CCDC88C: variants seen among roughly 807,000 people sequenced by gnomAD.
CCDC88C encodes the protein coiled-coil and HOOK domain protein 88C.
CCDC88C carries 131 observed loss-of-function variants against 198.8 expected under a neutral mutation model. That is an observed-to-expected ratio of 0.66 (90% CI 0.57 to 0.76). The LOEUF is 0.76. Among genes scored for constraint, CCDC88C ranks in the 30% least tolerant of loss-of-function variants. CCDC88C has a pLI of 0.00. For missense variants in CCDC88C, 2,553 were observed against 2,631.6 expected (o/e 0.97, Z 0.65); for synonymous variants, 1,166 against 1,114.7 (o/e 1.05, Z -0.92).
In CCDC88C at chr14:91,314,088, C is replaced by T. The variant is rs764283204; in HGVS notation, c.1728G>A (p.Arg576=). Reference sequence around the variant, plus strand: ...TGCGGGCCTCACTGCTGACCTGCGACCTCTCCCGCAGCGACCACATGGCTC... The same window carrying T: ...TGCGGGCCTCACTGCTGACCTGCGATCTCTCCCGCAGCGACCACATGGCTC... ...LNRAMWSLRE[R]SQVSSEARMK... is the part of the protein sequence containing the mutation. The change falls in exon 15 of 30, where the codon AGG becomes AGA. Residue 576 remains arginine (R), a synonymous_variant. Coordinates refer to ENST00000389857, the MANE Select transcript of CCDC88C (RefSeq NM_001080414.4). 1.2e-6 allele frequency: 2 copies of T among 1,613,800 alleles called. No individual in the cohort carries two copies. Among genetic ancestry groups the T allele is most frequent in the East Asian group, 2.2e-5 (1 of 44,874 alleles).
intron 10 of CCDC88C, among the ~76,000 whole-genome samples, chr14:91,335,652 T>TGGGTCC (rs1443790785): frequency 2.0e-5 from 3 of 152,188 alleles, no homozygotes; most frequent in Admixed American, 2.0e-4. Context: ...CTAAGCCCTG[T>TGGGTCC]GGGTCCAGCT....
chr14:91,375,506 C>T (rs900628459), intron 3 of CCDC88C, among the ~76,000 whole-genome samples: 17 of 152,110 alleles, frequency 1.1e-4, no homozygotes, highest in African/African-American at 2.2e-4. Context: ...GGGTGGGCAG[C>T]GGAATCAAAG....
chr14:91,307,961 CAGA>C (rs1467267751), intron 17 of CCDC88C, among the ~76,000 whole-genome samples: 2 of 152,246 alleles, frequency 1.3e-5, no homozygotes, highest in African/African-American at 4.8e-5. Context: ...TGCATGCACC[CAGA>C]AGTAGACATG....
intron 4 of CCDC88C, among the ~76,000 whole-genome samples, chr14:91,346,447 A>G (rs1893548435): frequency 6.6e-6 from 1 of 152,016 alleles, no homozygotes; most frequent in Non-Finnish European, 1.5e-5. Context: ...AAATTCATCA[A>G]TATTTGAAAT....
rs779374097 is a variant in CCDC88C, at chr14:91,297,497, G to A, written c.3780-6C>T. ...GGTGGTGCAGGAAATTGACCCTGGA[G>A]GAGGAAGAGTCACAGGGCAAAGGAG... On this transcript the variant is annotated splice_polypyrimidine_tract_variant and splice_region_variant and intron_variant, in intron 21 of 29. Transcript: ENST00000389857. The A allele has an allele frequency of 6.4e-7, 1 of 1,552,856 alleles. No individual in the cohort carries two copies. The highest frequency in any genetic ancestry group is 1.2e-5 in the South Asian group (1 of 84,134).
intron 13 of CCDC88C, among the ~76,000 whole-genome samples, chr14:91,319,891 G>C (rs1215381597): frequency 1.3e-5 from 2 of 152,040 alleles, no homozygotes; most frequent in East Asian, 1.9e-4. Flanking sequence ...TGGGTGTGGT[G>C]GTGGGTGCCT....
In CCDC88C at chr14:91,273,015, CA is replaced by C; in HGVS notation, c.5696del (p.Leu1899ArgfsTer166). The C allele has an allele frequency of 6.4e-7, 1 of 1,553,524 alleles. No individual in the cohort carries two copies. Among genetic ancestry groups the C allele is most frequent in the Non-Finnish European group, 8.7e-7 (1 of 1,154,510 alleles). Reference sequence around the variant, plus strand: ...TGGCGGGGGCTGTGGCAGACTGATGCAGGGGGGCCAGCCTCTCCTCCTTTGG... The same window carrying C: ...TGGCGGGGGCTGTGGCAGACTGATGCGGGGGGCCAGCCTCTCCTCCTTTGG... ...APPKEERLAP[L>X]HQSATAPAIA... On this transcript the variant is annotated frameshift_variant, in exon 30 of 30. Coordinates refer to ENST00000389857, the MANE Select transcript of CCDC88C (RefSeq NM_001080414.4). LOFTEE classifies it low-confidence loss of function (END_TRUNC). The surrounding 1 kb of genome is among the most constrained non-coding windows in gnomAD (Gnocchi z 5.6).
intron 3 of CCDC88C, among the ~76,000 whole-genome samples, chr14:91,373,647 C>G (rs1024836723): frequency 2.0e-5 from 3 of 152,164 alleles, no homozygotes; most frequent in Non-Finnish European, 4.4e-5. Context: ...AGAATGTATT[C>G]TATAGCAGGA....
chr14:91,280,201 C>T (rs1460797209), intron 27 of CCDC88C, among the ~76,000 whole-genome samples: 1 of 152,188 alleles, frequency 6.6e-6, no homozygotes, highest in East Asian at 1.9e-4. Context: ...ACCCCCAGCA[C>T]CCAGCAGGTG....
chr14:91,332,192 A>AG (rs1892864285), intron 10 of CCDC88C, among the ~76,000 whole-genome samples: 1 of 152,198 alleles, frequency 6.6e-6, no homozygotes, highest in Non-Finnish European at 1.5e-5. Flanking sequence ...AGAAACTTTC[A>AG]GCCAATTTTA....
At position 91,339,974 on chromosome 14, in the gene CCDC88C, G is replaced by A. The variant is rs371212105; in HGVS notation, c.534C>T (p.Pro178=). The change falls in exon 7 of 30, where the codon CCC becomes CCT. Residue 178 remains proline (P), a synonymous_variant. Transcript: ENST00000389857. The surrounding 1 kb of genome is among the most constrained non-coding windows in gnomAD (Gnocchi z 5.8). ...CCTCCAGCTCCTCCGGAGCCACGTC[G>A]GGCAGCTCCAGCCACTGCAGGTCAA... ...NVFDLQWLEL[P]DVAPEELEAL... 1.4e-4 allele frequency: 231 copies of A among 1,604,364 alleles called. No individual in the cohort carries two copies. The African/African-American group carries it at 2.6e-3, about 18-fold the overall frequency.
At chr14:91,413,136 C>A (rs1434228807) in intron 2 of CCDC88C, among the ~76,000 whole-genome samples, 1 of 152,144 alleles carries the variant, frequency 6.6e-6, no homozygotes, top group Non-Finnish European at 1.5e-5. Context: ...TACCAAGTTC[C>A]AACTTTAGCC....
chr14:91,396,785 A>C (rs1885869041), intron 3 of CCDC88C, among the ~76,000 whole-genome samples: 1 of 152,180 alleles, frequency 6.6e-6, no homozygotes, highest in Non-Finnish European at 1.5e-5. Flanking sequence ...AAACAACTTC[A>C]GGAGTTCGAG....
intron 20 of CCDC88C, 49 bp from the exon 21 acceptor site, chr14:91,300,119 C>CTGGGATGT: frequency 6.3e-7 from 1 of 1,579,380 alleles, no homozygotes; most frequent in Non-Finnish European, 8.6e-7. Context: ...CCTTCTTTTC[C>CTGGGATGT]GACAGGTAAC....
chr14:91,309,807 G>T, intron 16 of CCDC88C, 52 bp downstream of exon 16: 2 of 1,571,684 alleles, frequency 1.3e-6, no homozygotes, highest in South Asian at 2.3e-5. Flanking sequence ...CCTGCAGACT[G>T]AACAGTGGAG....
At chr14:91,326,680 G>A (rs1054243859) in intron 10 of CCDC88C, among the ~76,000 whole-genome samples, 8 of 152,232 alleles carry the variant, frequency 5.3e-5, no homozygotes, top group Non-Finnish European at 8.8e-5. Flanking sequence ...AGGAAGGAGT[G>A]GGGTTGAGAG....
intron 27 of CCDC88C, 183 bp downstream of exon 27, chr14:91,281,274 G>A (rs1300044838): frequency 6.8e-7 from 1 of 1,467,254 alleles, no homozygotes; most frequent in Non-Finnish European, 9.2e-7. Flanking sequence ...CCCCACCACT[G>A]GAGGTATGTA....
intron 28 of CCDC88C, among the ~76,000 whole-genome samples, chr14:91,278,837 T>C (rs1230146862): frequency 2.0e-5 from 3 of 151,642 alleles, no homozygotes; most frequent in Non-Finnish European, 4.4e-5. Context: ...CCCCTAGTCA[T>C]GTATTTTAAA....
At chr14:91,283,243 C>A in intron 26 of CCDC88C, 86 bp downstream of exon 26, 1 of 1,365,722 alleles carries the variant, frequency 7.3e-7, no homozygotes, top group Non-Finnish European at 1.0e-6. Context: ...AGAGGGAGAG[C>A]AACCTCTCTG....
Sources: gnomAD v4.1 joint callset for allele counts (sites outside exome capture counted in the v4.1 genomes callset) on GRCh38, gnomAD v4.1.1 for gene constraint, Gnocchi (gnomAD v3.1) non-coding constraint, MANE v1.5 for transcripts, NCBI Gene and HGNC (gene_info 2026-07-23, HGNC 2026-07-21) for gene names.